The following DLG2 variants were observed in gnomAD, a reference collection of about 807,000 sequenced individuals.
DLG2 encodes the protein discs large MAGUK scaffold protein 2, also known as disks large homolog 2.
Under a neutral mutation model 132.5 loss-of-function variants are expected in DLG2, and 45 were observed. The ratio of observed to expected loss-of-function variants is 0.34; its 90% CI spans 0.27 to 0.44. The LOEUF is 0.44. Ranked by LOEUF, DLG2 falls within the 20% of genes least tolerant of loss-of-function variation. DLG2 has a pLI of 1.00. For synonymous variants in DLG2, 424 were observed against 419.6 expected (o/e 1.01, Z -0.13); for missense variants, 1,045 against 1,196.9 (o/e 0.87, Z 1.87).
intron 18 of DLG2, among the ~76,000 whole-genome samples, chr11:83,778,737 G>C (rs1223242507): frequency 1.3e-5 from 2 of 152,094 alleles, no homozygotes; most frequent in East Asian, 3.9e-4. Context: ...CTGGCTGTTA[G>C]GCATGGGGAG....
chr11:84,536,474 A>G (rs1306326695), intron 6 of DLG2, among the ~76,000 whole-genome samples: 1 of 152,222 alleles, frequency 6.6e-6, no homozygotes, highest in Non-Finnish European at 1.5e-5. Flanking sequence ...TGTGAACTGC[A>G]AATACCATGC....
intron 6 of DLG2, among the ~76,000 whole-genome samples, chr11:84,862,137 G>A (rs1050057284): frequency 6.6e-6 from 1 of 151,964 alleles, no homozygotes; most frequent in African/African-American, 2.4e-5. Context: ...GTATACACAT[G>A]TAACTAACCT....
At chr11:83,872,886 T>C (rs901674972) in intron 16 of DLG2, among the ~76,000 whole-genome samples, 1 of 152,154 alleles carries the variant, frequency 6.6e-6, no homozygotes, top group African/African-American at 2.4e-5. Context: ...CCCCACACCC[T>C]TACCTCTACT....
In DLG2 at chr11:83,928,258, G is replaced by GA. The variant is rs927701277; in HGVS notation, c.1496+2069dup. On this transcript the variant is annotated intron_variant, in intron 15 of 27. Coordinates refer to ENST00000376104, the MANE Select transcript of DLG2 (RefSeq NM_001142699.3). The stretch of plus-strand genomic sequence containing the variant: ...ATATCAGAATTAGGGTGTGTAATTT[G>GA]AAAAAAAAATTCAACATTGTACTAT... Among the ~76,000 whole-genome samples, 5 of 150,100 alleles carry GA rather than the reference G, an allele frequency of 3.3e-5. No individual in the cohort carries two copies. The South Asian group carries it at 6.3e-4, about 19-fold the overall frequency.
At chr11:83,763,518 T>G (rs537601623) in intron 18 of DLG2, among the ~76,000 whole-genome samples, 4 of 152,190 alleles carry the variant, frequency 2.6e-5, no homozygotes, top group Admixed American at 2.6e-4. Context: ...CATAAATGCA[T>G]AGAAAAACCC....
intron 19 of DLG2, among the ~76,000 whole-genome samples, chr11:83,573,006 C>T (rs1378303522): frequency 6.6e-6 from 1 of 152,146 alleles, no homozygotes; most frequent in Non-Finnish European, 1.5e-5. Context: ...TTAAATGTTT[C>T]ATGTGCCATT....
chr11:84,041,350 T>G (rs2096074361), intron 11 of DLG2, among the ~76,000 whole-genome samples: 1 of 151,900 alleles, frequency 6.6e-6, no homozygotes, highest in African/African-American at 2.4e-5. Context: ...AGTTATAAAG[T>G]TAAAGATATT....
intron 16 of DLG2, among the ~76,000 whole-genome samples, chr11:83,865,450 G>A (rs1393133044): frequency 6.0e-5 from 7 of 116,968 alleles, no homozygotes; most frequent in South Asian, 3.2e-4. Context: ...TCTTCATGGT[G>A]AACAGCGAAA....
chr11:84,404,020 C>A (rs2098839854), intron 7 of DLG2, among the ~76,000 whole-genome samples: 1 of 152,084 alleles, frequency 6.6e-6, no homozygotes, highest in African/African-American at 2.4e-5. Flanking sequence ...TTTTTTCACT[C>A]CATCTACTTT....
chr11:83,527,353 C>A (rs2095633384), intron 21 of DLG2, among the ~76,000 whole-genome samples: 1 of 152,160 alleles, frequency 6.6e-6, no homozygotes, highest in African/African-American at 2.4e-5. Context: ...TTTTTCTTCA[C>A]CTCTCTAAGC....
chr11:85,504,323 T>C (rs1419053230), intron 3 of DLG2, among the ~76,000 whole-genome samples: 3 of 152,136 alleles, frequency 2.0e-5, no homozygotes, highest in Non-Finnish European at 4.4e-5. Context: ...CTAGGTTTTC[T>C]TCTAGGGTTT....
chr11:84,726,351 G>A (rs1193875207), intron 6 of DLG2, among the ~76,000 whole-genome samples: 1 of 152,096 alleles, frequency 6.6e-6, no homozygotes, highest in Non-Finnish European at 1.5e-5. Flanking sequence ...ACTTATGAGT[G>A]AGAACATGCG....
intron 6 of DLG2, among the ~76,000 whole-genome samples, chr11:84,995,875 T>C (rs2057602587): frequency 6.6e-6 from 1 of 152,184 alleles, no homozygotes; most frequent in Non-Finnish European, 1.5e-5. Flanking sequence ...CCCTTTTCTT[T>C]TCCACAGAGA....
At chr11:84,843,315 T>C (rs2080951755) in intron 6 of DLG2, among the ~76,000 whole-genome samples, 1 of 151,546 alleles carries the variant, frequency 6.6e-6, no homozygotes, top group Non-Finnish European at 1.5e-5. Context: ...GAGCAAGGGA[T>C]TCGGTACTGG....
chr11:84,984,171 T>G (rs558133193), intron 6 of DLG2, among the ~76,000 whole-genome samples: 1 of 152,308 alleles, frequency 6.6e-6, no homozygotes, highest in South Asian at 2.1e-4. Flanking sequence ...CCTGGGATAT[T>G]CATCCCAAAA....
intron 3 of DLG2, among the ~76,000 whole-genome samples, chr11:85,521,301 T>A (rs1223210130): frequency 6.6e-6 from 1 of 152,202 alleles, no homozygotes; most frequent in African/African-American, 2.4e-5. Context: ...TTCCCCCACT[T>A]TGCTCTGCAC....
chr11:84,475,912 A>G (rs545270983), intron 7 of DLG2, among the ~76,000 whole-genome samples: 1 of 152,180 alleles, frequency 6.6e-6, no homozygotes, highest in African/African-American at 2.4e-5. Context: ...TCCATTTTGC[A>G]AAAATGTGCC....
intron 8 of DLG2, among the ~76,000 whole-genome samples, chr11:84,209,617 TA>T (rs71036408): frequency 2.0e-5 from 3 of 149,462 alleles, no homozygotes; most frequent in South Asian, 2.1e-4. Context: ...TGTTCCAAAA[TA>T]AAAAAAAAAA....
chr11:84,035,436 G>C (rs561659819), intron 11 of DLG2, among the ~76,000 whole-genome samples: 3 of 152,314 alleles, frequency 2.0e-5, no homozygotes, highest in Non-Finnish European at 4.4e-5. Flanking sequence ...TTAATAAAGA[G>C]AGAAAGCCAC....
Sources: gnomAD v4.1 joint callset for allele counts (sites outside exome capture counted in the v4.1 genomes callset) on GRCh38, gnomAD v4.1.1 for gene constraint, MANE v1.5 for transcripts, NCBI Gene and HGNC (gene_info 2026-07-23, HGNC 2026-07-21) for gene names.